The following PDE1C variants were observed in gnomAD, a reference collection of about 807,000 sequenced individuals.
PDE1C encodes phosphodiesterase 1C.
A neutral mutation model predicts 93.1 loss-of-function variants in PDE1C; 62 were observed. The observed-to-expected ratio is 0.67, with a 90% CI of 0.54 to 0.82. PDE1C has a LOEUF of 0.82. PDE1C is among the 40% of genes least tolerant of loss of function. The pLI is 0.00. For synonymous variants in PDE1C, 325 were observed against 310.1 expected, an observed-to-expected ratio of 1.05 and a Z score of -0.50; for missense variants, 742 against 884.6, an observed-to-expected ratio of 0.84 and a Z score of 2.04.
the PDE1C span, among the ~76,000 whole-genome samples, chr7:31,710,635 A>T: frequency 1.3e-5 from 2 of 152,158 alleles, no homozygotes; most frequent in Admixed American, 6.5e-5. Context: ...GCTGAGAATA[A>T]GAGGCTGGTT....
chr7:32,127,204 T>A (rs988150418), intron 3 of PDE1C, among the ~76,000 whole-genome samples: 2 of 152,156 alleles, frequency 1.3e-5, no homozygotes, highest in Admixed American at 1.3e-4. Context: ...CCATCTGCTC[T>A]CTCTGGTCAC....
chr7:31,800,780 A>G (rs1785910054), intron 16 of PDE1C, among the ~76,000 whole-genome samples: 1 of 151,446 alleles, frequency 6.6e-6, no homozygotes, highest in African/African-American at 2.4e-5. Flanking sequence ...AAAAAAGCAT[A>G]CTAGGATTTT....
intron 1 of PDE1C, among the ~76,000 whole-genome samples, chr7:32,313,238 A>C (rs1462479547): frequency 1.3e-5 from 2 of 152,212 alleles, no homozygotes; most frequent in Non-Finnish European, 2.9e-5. Context: ...TGCGATCATT[A>C]AAAAGTCAGG....
the PDE1C span, chr7:31,696,932 C>A: frequency 6.2e-7 from 1 of 1,606,732 alleles, no homozygotes; most frequent in South Asian, 1.1e-5. Context: ...TGTATTTGAT[C>A]CTGTTTCTCT....
At position 31,988,227 on chromosome 7, in the gene PDE1C, A is replaced by T. The variant is rs568461268; in HGVS notation, c.128+63327T>A. Among the ~76,000 whole-genome samples, 9 of 152,306 alleles carry T rather than the reference A, an allele frequency of 5.9e-5. No homozygotes were observed. The South Asian group carries it at 1.2e-3, about 21-fold the overall frequency. On this transcript the variant is annotated intron_variant, in intron 2 of 17. Transcript: ENST00000396191. ...GCTGTTGCCAGTCTCTGGGGGCCTT[A>T]CAAGGCTTTGGATTCTGTCCACTCT...
At chr7:31,903,252 AT>A (rs1284071988) in intron 2 of PDE1C, among the ~76,000 whole-genome samples, 1 of 151,966 alleles carries the variant, frequency 6.6e-6, no homozygotes, top group Non-Finnish European at 1.5e-5. Context: ...ATACTACATA[AT>A]ATTGTTTTAA....
chr7:31,925,853 CATAAA>C (rs897993349), intron 2 of PDE1C, among the ~76,000 whole-genome samples: 3 of 152,058 alleles, frequency 2.0e-5, no homozygotes, highest in Non-Finnish European at 4.4e-5. Flanking sequence ...AATTAGTATT[CATAAA>C]ATAATTAGGG....
intron 2 of PDE1C, among the ~76,000 whole-genome samples, chr7:32,171,325 A>G (rs1051858665): frequency 4.6e-5 from 7 of 152,156 alleles, no homozygotes; most frequent in Non-Finnish European, 7.4e-5. Flanking sequence ...TCTTCAAAAC[A>G]GTCAAAGGTA....
intron 1 of PDE1C, among the ~76,000 whole-genome samples, chr7:32,419,775 G>A (rs1785353622): frequency 6.6e-6 from 1 of 151,866 alleles, no homozygotes; most frequent in Admixed American, 6.6e-5. Context: ...CTTGGTGCTT[G>A]TGCTCCACCA....
intron 1 of PDE1C, among the ~76,000 whole-genome samples, chr7:32,402,049 A>G (rs1784954395): frequency 6.6e-6 from 1 of 152,188 alleles, no homozygotes; most frequent in African/African-American, 2.4e-5. Context: ...ATCTGTTATA[A>G]ATGTAGATAT....
At chr7:31,859,233 A>G (rs1012121861) in intron 7 of PDE1C, among the ~76,000 whole-genome samples, 2 of 149,632 alleles carry the variant, frequency 1.3e-5, no homozygotes, top group Non-Finnish European at 3.0e-5. Context: ...CTATATACAT[A>G]TAGAGAGAGT....
chr7:32,311,944 A>G (rs1241260922), intron 1 of PDE1C, among the ~76,000 whole-genome samples: 4 of 151,648 alleles, frequency 2.6e-5, no homozygotes, highest in Non-Finnish European at 5.9e-5. Context: ...GTATTCAATT[A>G]GGAAAAGAGG....
chr7:32,156,118 CATTTT>C (rs1801558406), intron 3 of PDE1C, among the ~76,000 whole-genome samples: 1 of 152,120 alleles, frequency 6.6e-6, no homozygotes, highest in African/African-American at 2.4e-5. Context: ...GTTTTCTTTT[CATTTT>C]ATTTTATTTT....
At chr7:31,935,124 G>A (rs28575296) in intron 2 of PDE1C, among the ~76,000 whole-genome samples, 74,873 of 151,678 alleles carry the variant, frequency 0.49, 19,114 homozygotes, top group Non-Finnish European at 0.57. Context: ...AAGAGAACAT[G>A]GATAGTGCTA....
intron 2 of PDE1C, among the ~76,000 whole-genome samples, chr7:32,180,249 A>G (rs1052596383): frequency 6.6e-6 from 1 of 152,196 alleles, no homozygotes; most frequent in African/African-American, 2.4e-5. Flanking sequence ...AATTGCAAAA[A>G]GATTTGAAAA....
intron 6 of PDE1C, among the ~76,000 whole-genome samples, chr7:31,868,182 C>A (rs1184469661): frequency 6.6e-6 from 1 of 152,018 alleles, no homozygotes; most frequent in African/African-American, 2.4e-5. Flanking sequence ...GACTAATTAC[C>A]CAGCAAGAGA....
At chr7:32,310,134 A>C (rs1175929988) in intron 1 of PDE1C, among the ~76,000 whole-genome samples, 1 of 152,012 alleles carries the variant, frequency 6.6e-6, no homozygotes, top group Non-Finnish European at 1.5e-5. Flanking sequence ...CAAACCAACA[A>C]AGATCAAAAG....
At chr7:32,249,440 C>T (rs949418315) in intron 1 of PDE1C, among the ~76,000 whole-genome samples, 1 of 151,928 alleles carries the variant, frequency 6.6e-6, no homozygotes, top group Non-Finnish European at 1.5e-5. Context: ...GTGCTGGAAA[C>T]AAGGGTGTCC....
chr7:31,865,596 A>C (rs572519348), intron 6 of PDE1C, among the ~76,000 whole-genome samples: 1 of 152,340 alleles, frequency 6.6e-6, no homozygotes, highest in Non-Finnish European at 1.5e-5. Context: ...CACTATTTGT[A>C]ATGTAGTATC....
Sources: allele counts gnomAD v4.1 joint callset (sites outside exome capture counted in the v4.1 genomes callset), GRCh38; gene constraint gnomAD v4.1.1; transcripts MANE v1.5; gene names NCBI Gene and HGNC (gene_info 2026-07-23, HGNC 2026-07-21).